CAMK1D: variants seen among roughly 807,000 people sequenced by gnomAD.
CAMK1D encodes calcium/calmodulin dependent protein kinase ID.
In CAMK1D, 9 loss-of-function variants were observed where a neutral mutation model predicts 47.7. The ratio of observed to expected loss-of-function variants is 0.19; its 90% CI spans 0.11 to 0.33. The LOEUF (loss-of-function observed/expected upper bound fraction) is 0.33. CAMK1D is among the 10% of genes least tolerant of loss of function. CAMK1D has a pLI of 1.00. For synonymous variants in CAMK1D, 184 were observed against 184.9 expected (o/e 0.99, Z 0.04); for missense variants, 291 against 488.7 (o/e 0.60, Z 3.81).
chr10:12,447,303 A>G (rs1341462212), intron 1 of CAMK1D, among the ~76,000 whole-genome samples: 2 of 152,214 alleles, frequency 1.3e-5, no homozygotes, highest in African/African-American at 4.8e-5. Context: ...AAACTCACCT[A>G]GAGTCCTTAA....
intron 7 of CAMK1D, among the ~76,000 whole-genome samples, chr10:12,815,606 G>C (rs919754701): frequency 2.6e-5 from 4 of 152,244 alleles, no homozygotes; most frequent in Non-Finnish European, 5.9e-5. Context: ...AGCAGGTTTG[G>C]GGCCTGACCC....
intron 1 of CAMK1D, among the ~76,000 whole-genome samples, chr10:12,504,108 G>GGT (rs1554778998): frequency 3.1e-3 from 457 of 147,694 alleles, no homozygotes; most frequent in African/African-American, 7.7e-3. Context: ...CAATAAGATG[G>GGT]GTGTGTGTGT....
chr10:12,437,166 A>G (rs959523278), intron 1 of CAMK1D, among the ~76,000 whole-genome samples: 3 of 150,896 alleles, frequency 2.0e-5, no homozygotes, highest in East Asian at 2.0e-4. Flanking sequence ...TCTATCATCT[A>G]TCTGTCCATC....
chr10:12,623,394 TCCC>T lies in CAMK1D; in HGVS notation c.225-43341_225-43339del, dbSNP rs763568761. 4.8e-4 allele frequency among the ~76,000 whole-genome samples: 4 copies of T among 8,316 alleles called. 1 individual carries two copies. Among genetic ancestry groups the T allele is most frequent in the Non-Finnish European group, 1.3e-3 (4 of 3,176 alleles). 5.5% of individuals were successfully genotyped at this position (8,316 alleles called of 152,430 possible). A position where few individuals can be genotyped will look rare whatever the true frequency, so the allele number is the denominator to read the frequency against. On this transcript the variant is annotated intron_variant, in intron 2 of 10. Transcript: ENST00000619168. The stretch of plus-strand genomic sequence containing the variant: ...CTCCCTTCTTTCCCTCCTTCCTCCC[TCCC>T]TCCCTTCCTCCCTCCTTTCTTTCCT...
chr10:12,768,799 A>T (rs1836899866), intron 4 of CAMK1D, among the ~76,000 whole-genome samples: 1 of 152,172 alleles, frequency 6.6e-6, no homozygotes, highest in Non-Finnish European at 1.5e-5. Flanking sequence ...AGCCTCCATA[A>T]GACCCACCCC....
intron 4 of CAMK1D, among the ~76,000 whole-genome samples, chr10:12,765,351 C>T (rs1242680593): frequency 6.7e-6 from 1 of 150,248 alleles, no homozygotes; most frequent in Admixed American, 6.7e-5. Flanking sequence ...TACAGCTAGA[C>T]GAGTAGGGAT....
chr10:12,518,760 C>G (rs1835289918), intron 1 of CAMK1D, among the ~76,000 whole-genome samples: 1 of 97,734 alleles, frequency 1.0e-5, no homozygotes, highest in Admixed American at 9.9e-5. Flanking sequence ...TCCATTTAAC[C>G]CTGAGTGGAC....
chr10:12,375,741 C>T (rs896335557), intron 1 of CAMK1D, among the ~76,000 whole-genome samples: 3 of 152,148 alleles, frequency 2.0e-5, no homozygotes, highest in Non-Finnish European at 2.9e-5. Context: ...CTCTCAAACA[C>T]GGCTTGTTGT....
intron 1 of CAMK1D, among the ~76,000 whole-genome samples, chr10:12,392,017 A>ACACACACAC (rs34312096): frequency 2.6e-4 from 39 of 147,324 alleles, no homozygotes; most frequent in African/African-American, 9.0e-4. Context: ...ACACACACAC[A>ACACACACAC]AACAGTCTGG....
rs573723767 is a variant in CAMK1D at position 12,698,673 on chromosome 10, A to ATTTTTTTTTTTTT, written c.299+31869_299+31881dup. Among the ~76,000 whole-genome samples the ATTTTTTTTTTTTT allele has an allele frequency of 1.4e-4, 15 of 103,918 alleles. 3 individuals are homozygous for ATTTTTTTTTTTTT. The highest frequency in any genetic ancestry group is 2.8e-4 in the African/African-American group (8 of 28,272). 68.2% of individuals were successfully genotyped at this position (103,918 alleles called of 152,430 possible). On this transcript the variant is annotated intron_variant, in intron 3 of 10. Coordinates refer to ENST00000619168, the MANE Select transcript of CAMK1D (RefSeq NM_153498.4). ...GAAGAAAAATGATGCCCTTTAAAGA[A>ATTTTTTTTTTTTT]TTTTTTTTTTTTTTTTTTGAGACGG...
intron 3 of CAMK1D, among the ~76,000 whole-genome samples, chr10:12,726,225 ACT>A (rs1834628216): frequency 6.6e-6 from 1 of 151,878 alleles, no homozygotes; most frequent in Non-Finnish European, 1.5e-5. Context: ...GGAGATCAAG[ACT>A]GTCTTAACCA....
At chr10:12,736,896 C>T (rs921318072) in intron 3 of CAMK1D, among the ~76,000 whole-genome samples, 1 of 152,222 alleles carries the variant, frequency 6.6e-6, no homozygotes, top group Non-Finnish European at 1.5e-5. Flanking sequence ...TCTGGCTTTC[C>T]GGTCTTCTCC....
chr10:12,402,628 C>T (rs1473316131), intron 1 of CAMK1D, among the ~76,000 whole-genome samples: 3 of 152,088 alleles, frequency 2.0e-5, no homozygotes, highest in Non-Finnish European at 2.9e-5. Context: ...TTAAGACTGG[C>T]GTTAGGGATT....
intron 2 of CAMK1D, among the ~76,000 whole-genome samples, chr10:12,623,141 C>T (rs1839060389): frequency 5.3e-5 from 1 of 18,908 alleles, no homozygotes; most frequent in Admixed American, 5.5e-4. Flanking sequence ...CCCTCCCTTC[C>T]TCCCTTCCTT....
rs560823343 is a variant in CAMK1D at position 12,488,520 on chromosome 10, C to A, written c.93-64705C>A. Among the ~76,000 whole-genome samples the A allele has an allele frequency of 1.8e-3, 269 of 152,204 alleles. 1 individual carries two copies. The highest frequency in any genetic ancestry group is 3.2e-3 in the Non-Finnish European group (218 of 68,010). ...CATGGAAGACAAATGTTTCCGTGGA[C>A]TGGGATGGGGGATGGTTTCGGGATG... On this transcript the variant is annotated intron_variant, in intron 1 of 10. Coordinates refer to ENST00000619168, the MANE Select transcript of CAMK1D (RefSeq NM_153498.4).
chr10:12,633,223 T>G (rs1038012500), intron 2 of CAMK1D, among the ~76,000 whole-genome samples: 2 of 152,164 alleles, frequency 1.3e-5, no homozygotes, highest in African/African-American at 4.8e-5. Context: ...ATGGGGAAAT[T>G]GGAGAGGTAC....
intron 3 of CAMK1D, among the ~76,000 whole-genome samples, chr10:12,737,159 A>G (rs917133312): frequency 2.0e-5 from 3 of 151,864 alleles, no homozygotes; most frequent in Non-Finnish European, 4.4e-5. Flanking sequence ...GCCCCCATCC[A>G]TCAGCTACTG....
chr10:12,436,506 A>G (rs79712197), intron 1 of CAMK1D, among the ~76,000 whole-genome samples: 2,697 of 152,270 alleles, frequency 0.018, 86 homozygotes, highest in African/African-American at 0.061. Flanking sequence ...AGAAAGGACA[A>G]CTTTTGACTT....
intron 1 of CAMK1D, among the ~76,000 whole-genome samples, chr10:12,526,551 AC>A (rs1190969167): frequency 2.0e-5 from 3 of 152,252 alleles, no homozygotes; most frequent in Non-Finnish European, 4.4e-5. Flanking sequence ...CACACCACAT[AC>A]GTGATTTTGC....
Sources: allele counts gnomAD v4.1 joint callset (sites outside exome capture counted in the v4.1 genomes callset), GRCh38; gene constraint gnomAD v4.1.1; transcripts MANE v1.5; gene names NCBI Gene and HGNC (gene_info 2026-07-23, HGNC 2026-07-21).